Variants in TTC28 observed in about 807,000 individuals in gnomAD.
The protein encoded by TTC28 is tetratricopeptide repeat domain 28.
A neutral mutation model predicts 198.0 loss-of-function variants in TTC28; 61 were observed. The observed-to-expected ratio is 0.31, with a 90% CI of 0.25 to 0.38. The LOEUF (loss-of-function observed/expected upper bound fraction) is 0.38. Among genes scored for constraint, TTC28 ranks in the 10% least tolerant of loss-of-function variants. TTC28 has a pLI of 1.00. For missense variants in TTC28, 2,678 were observed against 3,164.0 expected (o/e 0.85, Z 3.69); for synonymous variants, 1,171 against 1,297.8 (o/e 0.90, Z 2.10).
At chr22:28,095,788 T>C (rs1941954045) in intron 11 of TTC28, among the ~76,000 whole-genome samples, 1 of 152,192 alleles carries the variant, frequency 6.6e-6, no homozygotes, top group African/African-American at 2.4e-5. Flanking sequence ...CCATTATCAT[T>C]TTAGTCTCTT....
chr22:28,261,580 T>C (rs1289847336), intron 5 of TTC28, among the ~76,000 whole-genome samples: 5 of 152,196 alleles, frequency 3.3e-5, no homozygotes, highest in Non-Finnish European at 2.9e-5. Context: ...CTGATCCTTC[T>C]GATAGATGTT....
intron 2 of TTC28, among the ~76,000 whole-genome samples, chr22:28,520,607 A>C (rs971775634): frequency 6.6e-6 from 1 of 152,102 alleles, no homozygotes; most frequent in Non-Finnish European, 1.5e-5. Context: ...ATAAACAAAA[A>C]ATCAGCCAGG....
At chr22:28,229,016 C>A (rs961896820) in intron 5 of TTC28, among the ~76,000 whole-genome samples, 1 of 151,862 alleles carries the variant, frequency 6.6e-6, no homozygotes, top group African/African-American at 2.4e-5. Context: ...ATTAGCCGGG[C>A]ATGGTGGCAC....
At chr22:28,598,324 C>T (rs1206690427) in intron 2 of TTC28, among the ~76,000 whole-genome samples, 4 of 151,662 alleles carry the variant, frequency 2.6e-5, no homozygotes, top group Non-Finnish European at 5.9e-5. Flanking sequence ...TCCTGGCTAA[C>T]ATGGTGAAAC....
At chr22:28,173,825 C>T (rs921253726) in intron 5 of TTC28, among the ~76,000 whole-genome samples, 1 of 152,170 alleles carries the variant, frequency 6.6e-6, no homozygotes, top group African/African-American at 2.4e-5. Context: ...ACACGTTTTC[C>T]TTCCATCTAG....
At chr22:28,572,606 T>C (rs2050081118) in intron 2 of TTC28, among the ~76,000 whole-genome samples, 1 of 152,150 alleles carries the variant, frequency 6.6e-6, no homozygotes, top group African/African-American at 2.4e-5. Context: ...GTAATATTAA[T>C]ACATTTTTTA....
intron 2 of TTC28, among the ~76,000 whole-genome samples, chr22:28,343,809 T>C (rs1353962038): frequency 6.6e-6 from 1 of 152,202 alleles, no homozygotes; most frequent in Non-Finnish European, 1.5e-5. Context: ...AACTAGCTTT[T>C]ACCTATTTTT....
At chr22:28,455,649 G>A (rs1004387735) in intron 2 of TTC28, among the ~76,000 whole-genome samples, 32 of 151,902 alleles carry the variant, frequency 2.1e-4, no homozygotes, top group African/African-American at 6.3e-4. Flanking sequence ...AGGAGGCAGA[G>A]GCTGCAGTGA....
intron 2 of TTC28, among the ~76,000 whole-genome samples, chr22:28,581,395 G>A (rs2050232029): frequency 6.6e-6 from 1 of 152,148 alleles, no homozygotes; most frequent in Non-Finnish European, 1.5e-5. Context: ...AGACTAACAC[G>A]ACATCCTTTG....
At chr22:28,163,892 TAGTCAA>T (rs982764976) in intron 5 of TTC28, among the ~76,000 whole-genome samples, 5 of 152,190 alleles carry the variant, frequency 3.3e-5, no homozygotes, top group Non-Finnish European at 7.3e-5. Flanking sequence ...TTCCCTTTCC[TAGTCAA>T]AGAAAGGGGT....
intron 19 of TTC28, among the ~76,000 whole-genome samples, chr22:27,991,059 C>A (rs545184528): frequency 2.5e-4 from 38 of 152,272 alleles, no homozygotes; most frequent in East Asian, 1.9e-4. Flanking sequence ...GGCCTCCCTT[C>A]CCAGCCAGTA....
intron 2 of TTC28, among the ~76,000 whole-genome samples, chr22:28,573,756 G>GTTTGA (rs2050099436): frequency 6.6e-6 from 1 of 151,878 alleles, no homozygotes; most frequent in Non-Finnish European, 1.5e-5. Context: ...ATTGTTGACT[G>GTTTGA]TAGTCACCTG....
intron 2 of TTC28, among the ~76,000 whole-genome samples, chr22:28,494,814 A>G (rs2048429788): frequency 1.3e-5 from 2 of 152,122 alleles, no homozygotes; most frequent in Admixed American, 6.5e-5. Flanking sequence ...GGAAGAGGAA[A>G]GGAAAGAAAA....
At chr22:28,034,537 G>A (rs1020255342) in intron 12 of TTC28, among the ~76,000 whole-genome samples, 1 of 152,178 alleles carries the variant, frequency 6.6e-6, no homozygotes, top group Non-Finnish European at 1.5e-5. Flanking sequence ...ACTCTGGAGG[G>A]TAAAAGAGGA....
chr22:28,236,787 T>C (rs1481618996), intron 5 of TTC28, among the ~76,000 whole-genome samples: 1 of 152,206 alleles, frequency 6.6e-6, no homozygotes, highest in Non-Finnish European at 1.5e-5. Flanking sequence ...TCTATGATTG[T>C]CCTGAAAGAT....
chr22:28,315,368 G>A (rs932055832), intron 2 of TTC28, among the ~76,000 whole-genome samples: 2 of 151,690 alleles, frequency 1.3e-5, no homozygotes, highest in Non-Finnish European at 2.9e-5. Flanking sequence ...TTTAGTTTTT[G>A]ATATTGCTTC....
At chr22:28,621,635 C>T (rs1178470363) in intron 2 of TTC28, among the ~76,000 whole-genome samples, 5 of 149,598 alleles carry the variant, frequency 3.3e-5, no homozygotes, top group Non-Finnish European at 7.4e-5. Context: ...CCCAGCTACT[C>T]AGGAGGCTGA....
intron 2 of TTC28, among the ~76,000 whole-genome samples, chr22:28,402,965 C>T (rs961163994): frequency 1.3e-5 from 2 of 152,214 alleles, no homozygotes; most frequent in Non-Finnish European, 2.9e-5. Context: ...AGTCTAATTA[C>T]TCTTGGGTCA....
intron 1 of TTC28, among the ~76,000 whole-genome samples, chr22:28,639,072 G>A (rs367665352): frequency 2.6e-5 from 4 of 152,328 alleles, no homozygotes; most frequent in South Asian, 4.1e-4. Context: ...TTATCTTATA[G>A]ATGCACTTAC....
Sources: allele counts gnomAD v4.1 joint callset (sites outside exome capture counted in the v4.1 genomes callset), GRCh38; gene constraint gnomAD v4.1.1; transcripts MANE v1.5; gene names NCBI Gene and HGNC (gene_info 2026-07-23, HGNC 2026-07-21).